NTN5: variants seen among roughly 807,000 people sequenced by gnomAD.
The protein encoded by NTN5 is netrin 5, also known as netrin-5.
A neutral mutation model predicts 38.7 loss-of-function variants in NTN5; 42 were observed. The ratio of observed to expected loss-of-function variants is 1.08; its 90% CI spans 0.85 to 1.40. The LOEUF is 1.40. Ranked by LOEUF, NTN5 falls within the 40% of genes most tolerant of loss-of-function variation. The pLI is 0.00. For synonymous variants in NTN5, 329 were observed against 303.9 expected, an observed-to-expected ratio of 1.08 and a Z score of -0.86; for missense variants, 658 against 716.5, an observed-to-expected ratio of 0.92 and a Z score of 0.93.
At position 48,661,990 on chromosome 19, in the gene NTN5, C is replaced by G; in HGVS notation, c.1157G>C (p.Arg386Pro). The G allele has an allele frequency of 6.7e-7, 1 of 1,485,460 alleles. No individual in the cohort carries two copies. The highest frequency in any genetic ancestry group is 8.9e-7 in the Non-Finnish European group (1 of 1,125,110). 92.0% of individuals were successfully genotyped at this position (1,485,460 alleles called of 1,614,324 possible). A position where few individuals can be genotyped will look rare whatever the true frequency, so the allele number is the denominator to read the frequency against. ...ASEAAGPAWQ[R>P]LAVRVLAVYK... ...AACGGCCAGCACGCGCACGGCCAGC[C>G]GCTGCCATGCCGGGCCCGCCGCCTC... Residue 386 changes from arginine (R) to proline (P), a missense_variant, in exon 7 of 7, where the codon CGG (arginine) becomes CCG (proline). By Grantham distance (103) the Arg-to-Pro change is moderately radical (BLOSUM62 -2). Transcript: ENST00000270235.
intron 6 of NTN5, chr19:48,662,813 G>A (rs1460445920): frequency 1.2e-5 from 2 of 162,890 alleles, no homozygotes; most frequent in South Asian, 1.7e-4. Flanking sequence ...CTGGGTCTGC[G>A]GGGCAGGAGA....
At chr19:48,672,193 G>A (rs1325848436) in intron 1 of NTN5, among the ~76,000 whole-genome samples, 1 of 152,192 alleles carries the variant, frequency 6.6e-6, no homozygotes. Context: ...GCAGGAGCTG[G>A]GACAGGGTGG....
At chr19:48,662,810 T>G (rs2031584554) in intron 6 of NTN5, 1 of 163,554 alleles carries the variant, frequency 6.1e-6, no homozygotes, top group Non-Finnish European at 1.3e-5. Flanking sequence ...CAGCTGGGTC[T>G]GCGGGGCAGG....
chr19:48,663,684 A>G lies in NTN5; in HGVS notation c.1024+77T>C, dbSNP rs775915214. On this transcript the variant is annotated intron_variant, in intron 5 of 6. Coordinates refer to ENST00000270235, the MANE Select transcript of NTN5 (RefSeq NM_145807.4). Reference sequence around the variant, plus strand: ...ACTGGGCTCAATGGGTGACCCATGTATCCCCATCTGGGGACCCAGTCAGCC... The same window carrying G: ...ACTGGGCTCAATGGGTGACCCATGTGTCCCCATCTGGGGACCCAGTCAGCC... 1.9e-5 allele frequency: 29 copies of G among 1,523,044 alleles called. No homozygotes were observed. In the East Asian group the frequency reaches 4.3e-4, roughly 22 times the overall value. 94.3% of individuals were successfully genotyped at this position (1,523,044 alleles called of 1,614,324 possible).
At chr19:48,663,280 C>T (rs763163025) in intron 6 of NTN5, 183 bp downstream of exon 6, 1 of 702,896 alleles carries the variant, frequency 1.4e-6, no homozygotes, top group Admixed American at 2.0e-5. Flanking sequence ...AGTGAATGCC[C>T]CCTCCCCACT....
Position 48,670,740 on chromosome 19 carries a change from A to G in NTN5, c.247T>C (p.Cys83Arg), listed in dbSNP as rs1376781983. The G allele has an allele frequency of 6.2e-7, 1 of 1,612,940 alleles. No individual in the cohort carries two copies. The highest frequency in any genetic ancestry group is 1.1e-5 in the South Asian group (1 of 91,080). The change falls in exon 2 of 7, where the codon TGT becomes CGT. Residue 83 changes from cysteine to arginine, a missense_variant. By Grantham distance (180) the Cys-to-Arg change is radical. Coordinates refer to ENST00000270235, the MANE Select transcript of NTN5 (RefSeq NM_145807.4). ...ATGAGGGCTGGGGGTCCTGGGGTAC[A>G]GAAGCGCAAGCTGACAGATGTCAGG... ...FLLTSVSLRF[C>R]TPGPPALILS...
At chr19:48,664,839 T>C (rs1221405694) in intron 2 of NTN5, 72 bp from the exon 3 acceptor site, 1 of 1,346,706 alleles carries the variant, frequency 7.4e-7, no homozygotes, top group African/African-American at 1.5e-5. Context: ...TTTCTTCCCA[T>C]GGCCCTGCCC....
At chr19:48,672,263 C>T (rs1398935163) in intron 1 of NTN5, among the ~76,000 whole-genome samples, 2 of 152,166 alleles carry the variant, frequency 1.3e-5, no homozygotes, top group African/African-American at 4.8e-5. Context: ...ATGGCAGGAG[C>T]TGGGAAGGAC....
intron 2 of NTN5, 104 bp from the exon 3 acceptor site, chr19:48,664,871 G>A: frequency 3.0e-6 from 3 of 990,408 alleles, no homozygotes; most frequent in Non-Finnish European, 4.2e-6. Context: ...AGCCGTGAGT[G>A]TCCAAGGTAG....
chr19:48,669,541 C>T (rs1158732254), intron 2 of NTN5, among the ~76,000 whole-genome samples: 2 of 53,538 alleles, frequency 3.7e-5, no homozygotes, highest in Admixed American at 3.2e-4. Context: ...CCACCACCAT[C>T]ACCACCACCA....
chr19:48,672,052 T>C (rs1341945258), intron 1 of NTN5, among the ~76,000 whole-genome samples: 1 of 152,160 alleles, frequency 6.6e-6, no homozygotes, highest in Non-Finnish European at 1.5e-5. Context: ...ACCTCAACCC[T>C]GCCCTCTATT....
rs758908104 is a variant in NTN5 at position 48,670,606 on chromosome 19, T to C, written c.381A>G (p.Pro127=). The C allele has an allele frequency of 3.5e-5, 55 of 1,593,600 alleles. No individual in the cohort carries two copies. The East Asian group carries it at 1.2e-3, about 36-fold the overall frequency. The change falls in exon 2 of 7, where the codon CCA becomes CCG. Residue 127 remains proline (P), a synonymous_variant. Coordinates refer to ENST00000270235, the MANE Select transcript of NTN5 (RefSeq NM_145807.4). ...TGGCCGCCACAGTGGCCTTAGGACC[T>C]GGTGTGGAGTGGAAGGTCACCCTTT... ...GPERVTFHST[P]GPKATVAASH...
At position 48,664,133 on chromosome 19, in the gene NTN5, C is replaced by T; in HGVS notation, c.970+10G>A. Reference sequence around the variant, plus strand: ...TACTCAGGCTTGTGGCCTGGCCCCTCAAGACTTACGCTGGCAGGGCATCCT... The same window carrying T: ...TACTCAGGCTTGTGGCCTGGCCCCTTAAGACTTACGCTGGCAGGGCATCCT... On this transcript the variant is annotated intron_variant, in intron 4 of 6. Coordinates refer to ENST00000270235, the MANE Select transcript of NTN5 (RefSeq NM_145807.4). 1 of 1,600,218 alleles carries T rather than the reference C, an allele frequency of 6.2e-7. No homozygotes were observed. The highest frequency in any genetic ancestry group is 8.5e-7 in the Non-Finnish European group (1 of 1,173,898).
At position 48,661,534 on chromosome 19, in the gene NTN5, G is replaced by T; in HGVS notation, c.*143C>A. ...CTTTTGCTAAAAGTTCCGCACGCCT[G>T]CTCGGCGTGGGCGCAAGCATAGTGT... On this transcript the variant is annotated 3_prime_UTR_variant, in exon 7 of 7. Transcript: ENST00000270235. The T allele has an allele frequency of 2.9e-6, 3 of 1,046,582 alleles. No individual in the cohort carries two copies. Among genetic ancestry groups the T allele is most frequent in the Non-Finnish European group, 3.7e-6 (3 of 803,502 alleles). The allele number at this position is 1,046,582 out of a possible 1,614,324, so 64.8% of individuals were successfully genotyped here.
chr19:48,664,270 C>T lies in NTN5; in HGVS notation c.843G>A (p.Gly281=). Residue 281 remains glycine, a synonymous_variant, in exon 4 of 7, where the codon GGG becomes GGA. Transcript: ENST00000270235. Reference sequence around the variant, plus strand: ...TCTGGTTGCAGGTTCCTCCTGTTGCCCCAATAGGGTGGCACTGGCAGGCTA... The same window carrying T: ...TCTGGTTGCAGGTTCCTCCTGTTGCTCCAATAGGGTGGCACTGGCAGGCTA... ...ACRACQCHPI[G]ATGGTCNQTS... is the part of the protein sequence containing the mutation. 6.2e-7 allele frequency: 1 copy of T among 1,613,148 alleles called. No homozygotes were observed. The highest frequency in any genetic ancestry group is 8.5e-7 in the Non-Finnish European group (1 of 1,179,648).
chr19:48,668,158 G>A (rs983333269), intron 2 of NTN5, among the ~76,000 whole-genome samples: 5 of 152,130 alleles, frequency 3.3e-5, no homozygotes, highest in African/African-American at 9.7e-5. Flanking sequence ...CCCCTGTCCA[G>A]CTGGATGGAG....
intron 2 of NTN5, among the ~76,000 whole-genome samples, chr19:48,668,512 A>C (rs767148371): frequency 1.3e-5 from 2 of 152,168 alleles, no homozygotes; most frequent in East Asian, 3.8e-4. Flanking sequence ...TTCAAGCCCA[A>C]ATAGTCTGGC....
chr19:48,672,353 G>T (rs577714533), intron 1 of NTN5, among the ~76,000 whole-genome samples: 3 of 152,176 alleles, frequency 2.0e-5, no homozygotes, highest in Non-Finnish European at 4.4e-5. Flanking sequence ...TGGGGGCCTC[G>T]GAGCCTTTCC....
chr19:48,661,937 G>C lies in NTN5; in HGVS notation c.1210C>G (p.Arg404Gly). ...GGCACCCAGGCGTCCTGGTCGCCGCGTCGCACGGGCTGCGCCCGCTGCTTG... is the reference window on the plus strand; with the variant it reads ...GGCACCCAGGCGTCCTGGTCGCCGCCTCGCACGGGCTGCGCCCGCTGCTTG... ...VYKQRAQPVR[R>G]GDQDAWVPRA... Residue 404 changes from arginine (R) to glycine (G), a missense_variant, in exon 7 of 7, where the codon CGC becomes GGC. Physicochemically the swap from Arg to Gly is moderately radical, Grantham distance 125. Coordinates refer to ENST00000270235, the MANE Select transcript of NTN5 (RefSeq NM_145807.4). 1 of 1,380,036 alleles carries C rather than the reference G, an allele frequency of 7.2e-7. No homozygotes were observed. Among genetic ancestry groups the C allele is most frequent in the Non-Finnish European group, 9.3e-7 (1 of 1,071,922 alleles). The allele number at this position is 1,380,036 out of a possible 1,614,324, so 85.5% of individuals were successfully genotyped here.
Sources: allele counts gnomAD v4.1 joint callset (sites outside exome capture counted in the v4.1 genomes callset), GRCh38; gene constraint gnomAD v4.1.1; transcripts MANE v1.5; gene names NCBI Gene and HGNC (gene_info 2026-07-23, HGNC 2026-07-21).